TBC1D22A: variants seen among roughly 807,000 people sequenced by gnomAD.
TBC1D22A encodes the protein TBC1 domain family member 22A.
A neutral mutation model predicts 60.2 loss-of-function variants in TBC1D22A; 38 were observed. That is an observed-to-expected ratio of 0.63 (90% CI 0.49 to 0.83). The LOEUF is 0.83. Among genes scored for constraint, TBC1D22A ranks in the 40% least tolerant of loss-of-function variants. TBC1D22A has a pLI of 0.00. For synonymous variants in TBC1D22A, 302 were observed against 281.7 expected, an observed-to-expected ratio of 1.07 and a Z score of -0.72; for missense variants, 628 against 701.0, an observed-to-expected ratio of 0.90 and a Z score of 1.18.
At chr22:46,893,568 G>A (rs1423387003) in intron 6 of TBC1D22A, among the ~76,000 whole-genome samples, 1 of 152,204 alleles carries the variant, frequency 6.6e-6, no homozygotes, top group Admixed American at 6.5e-5. Flanking sequence ...TTCCTGCCCT[G>A]CAGGAGCTTA....
At chr22:46,822,544 A>G (rs35297480) in intron 4 of TBC1D22A, among the ~76,000 whole-genome samples, 35 of 152,178 alleles carry the variant, frequency 2.3e-4, no homozygotes, top group Admixed American at 7.2e-4. Flanking sequence ...TTCAGGCCCT[A>G]TTCAACTGAT....
intron 11 of TBC1D22A, among the ~76,000 whole-genome samples, chr22:47,104,923 C>T (rs975268795): frequency 2.0e-5 from 3 of 151,936 alleles, no homozygotes; most frequent in Non-Finnish European, 4.4e-5. Flanking sequence ...GCTGCTGCCA[C>T]CTTTCACTTG....
At chr22:46,788,803 C>A (rs1458194067) in intron 1 of TBC1D22A, among the ~76,000 whole-genome samples, 1 of 151,988 alleles carries the variant, frequency 6.6e-6, no homozygotes, top group African/African-American at 2.4e-5. Context: ...TCCTTATTGG[C>A]TTTTTTTTGG....
intron 11 of TBC1D22A, among the ~76,000 whole-genome samples, chr22:47,044,452 C>T (rs571243854): frequency 3.5e-4 from 54 of 152,208 alleles, no homozygotes; most frequent in Admixed American, 1.1e-3. Context: ...TGCTCTGCCT[C>T]GTGTGCCAGG....
intron 5 of TBC1D22A, among the ~76,000 whole-genome samples, chr22:46,879,818 TC>T: frequency 1.3e-5 from 2 of 152,312 alleles, no homozygotes; most frequent in Admixed American, 1.3e-4. Context: ...GGGGAAAGTC[TC>T]ATGTGAGTTA....
At chr22:47,134,992 T>C (rs2066810246) in intron 12 of TBC1D22A, among the ~76,000 whole-genome samples, 1 of 152,216 alleles carries the variant, frequency 6.6e-6, no homozygotes, top group Admixed American at 6.5e-5. Flanking sequence ...GCTGGCCACT[T>C]ACCCGCTCCC....
At chr22:46,816,726 C>G (rs922630857) in intron 4 of TBC1D22A, among the ~76,000 whole-genome samples, 2 of 152,140 alleles carry the variant, frequency 1.3e-5, no homozygotes, top group African/African-American at 4.8e-5. Flanking sequence ...TATCAATCCC[C>G]ATGACCAAAA....
At chr22:46,778,413 A>G (rs2083792897) in intron 1 of TBC1D22A, among the ~76,000 whole-genome samples, 2 of 152,188 alleles carry the variant, frequency 1.3e-5, no homozygotes, top group Admixed American at 1.3e-4. Flanking sequence ...ATTTTTCTTT[A>G]TATCCTGACT....
intron 6 of TBC1D22A, among the ~76,000 whole-genome samples, chr22:46,894,096 T>G (rs996357486): frequency 6.6e-6 from 1 of 152,168 alleles, no homozygotes; most frequent in Non-Finnish European, 1.5e-5. Flanking sequence ...CTCAGTCCAT[T>G]GGTGCCGTTG....
At chr22:47,146,225 A>G (rs1348490366) in intron 12 of TBC1D22A, among the ~76,000 whole-genome samples, 1 of 152,210 alleles carries the variant, frequency 6.6e-6, no homozygotes, top group Non-Finnish European at 1.5e-5. Context: ...CCTTTCACCC[A>G]GGGCTCCTCG....
chr22:46,901,860 A>G (rs962617121), intron 7 of TBC1D22A, among the ~76,000 whole-genome samples: 2 of 152,262 alleles, frequency 1.3e-5, no homozygotes, highest in Non-Finnish European at 2.9e-5. Context: ...CCCAGAAATT[A>G]TCTCCATGGC....
At chr22:46,959,625 C>A (rs1258638456) in intron 8 of TBC1D22A, among the ~76,000 whole-genome samples, 1 of 152,134 alleles carries the variant, frequency 6.6e-6, no homozygotes, top group Non-Finnish European at 1.5e-5. Context: ...TGTCCCCTCC[C>A]CTGTCCTTCG....
chr22:47,073,044 G>A (rs1328605576), intron 11 of TBC1D22A, among the ~76,000 whole-genome samples: 1 of 152,164 alleles, frequency 6.6e-6, no homozygotes, highest in Non-Finnish European at 1.5e-5. Context: ...GCTGGAATAT[G>A]CAATAGATTT....
At chr22:47,103,343 G>C (rs914031906) in intron 11 of TBC1D22A, among the ~76,000 whole-genome samples, 1 of 152,216 alleles carries the variant, frequency 6.6e-6, no homozygotes, top group African/African-American at 2.4e-5. Flanking sequence ...GGTGGAGACA[G>C]CCCACTGCCT....
At chr22:46,876,267 T>G (rs541539977) in intron 4 of TBC1D22A, among the ~76,000 whole-genome samples, 38 of 152,340 alleles carry the variant, frequency 2.5e-4, no homozygotes, top group Non-Finnish European at 2.9e-5. Flanking sequence ...TTGTTCCCTT[T>G]TCACTTCATA....
chr22:46,934,544 G>A (rs1337130152), intron 8 of TBC1D22A, among the ~76,000 whole-genome samples: 3 of 152,166 alleles, frequency 2.0e-5, no homozygotes, highest in Non-Finnish European at 4.4e-5. Flanking sequence ...CCCCCAAATC[G>A]TCTATACTAC....
intron 11 of TBC1D22A, among the ~76,000 whole-genome samples, chr22:47,100,719 G>A (rs1293588142): frequency 6.6e-6 from 1 of 152,218 alleles, no homozygotes; most frequent in Non-Finnish European, 1.5e-5. Flanking sequence ...CAGCCATGTG[G>A]AACTGTAAAT....
intron 8 of TBC1D22A, among the ~76,000 whole-genome samples, chr22:46,941,334 A>AATAT (rs376952972): frequency 7.0e-6 from 1 of 143,122 alleles, no homozygotes; most frequent in South Asian, 2.1e-4. Context: ...GGGGCACTAC[A>AATAT]ATATATATAT....
In TBC1D22A at chr22:47,138,277, A is replaced by T. The variant is rs73889418; in HGVS notation, c.1425+26674A>T. Among the ~76,000 whole-genome samples the T allele has an allele frequency of 6.8e-3, 1,035 of 152,276 alleles. 15 individuals are homozygous for T. Among genetic ancestry groups the T allele is most frequent in the African/African-American group, 0.023 (969 of 41,554 alleles). On this transcript the variant is annotated intron_variant, in intron 12 of 12. Transcript: ENST00000337137. ...GTGTGCTCTGTGCCCCCAGCTAAGG[A>T]TGCACAGACCCCACCCCAAGGCACT...
Sources: gnomAD v4.1 joint callset for allele counts (sites outside exome capture counted in the v4.1 genomes callset) on GRCh38, gnomAD v4.1.1 for gene constraint, MANE v1.5 for transcripts, NCBI Gene and HGNC (gene_info 2026-07-23, HGNC 2026-07-21) for gene names.